Variants in SMARCC1 observed in about 807,000 individuals in gnomAD.
The protein encoded by SMARCC1 is SWI/SNF complex subunit SMARCC1.
SMARCC1 carries 43 observed loss-of-function variants against 147.4 expected under a neutral mutation model. The ratio of observed to expected loss-of-function variants is 0.29; its 90% CI spans 0.23 to 0.38. The LOEUF (loss-of-function observed/expected upper bound fraction) is 0.38, where lower values mean the gene tolerates loss of function less well. SMARCC1 is among the 10% of genes least tolerant of loss of function. The probability of loss-of-function intolerance (pLI) is 1.00; values close to 1 mark genes in which losing one functional copy is unlikely to be tolerated. For missense variants in SMARCC1, 1,119 were observed against 1,381.1 expected, an observed-to-expected ratio of 0.81 and a Z score of 3.01; for synonymous variants, 495 against 484.4, an observed-to-expected ratio of 1.02 and a Z score of -0.29.
At chr3:47,631,504 A>G (rs556424270) in intron 24 of SMARCC1, among the ~76,000 whole-genome samples, 7 of 152,210 alleles carry the variant, frequency 4.6e-5, no homozygotes, top group Non-Finnish European at 1.0e-4. Context: ...AAAGACCCAG[A>G]TAGAAAGGAT....
Position 47,605,514 on chromosome 3 carries a change from G to A in SMARCC1, c.3043+4552C>T, listed in dbSNP as rs529994408. 3.3e-5 allele frequency among the ~76,000 whole-genome samples: 5 copies of A among 152,296 alleles called. No individual in the cohort carries two copies. In the East Asian group the frequency reaches 9.6e-4, roughly 29 times the overall value. ...TGGCCGGGCATGGTGGCTCATGCTT[G>A]TAATCCTAACACTTTGGGAGGCGGA... On this transcript the variant is annotated intron_variant, in intron 26 of 27. Coordinates refer to ENST00000254480, the MANE Select transcript of SMARCC1 (RefSeq NM_003074.4).
intron 25 of SMARCC1, 28 bp downstream of exon 25, chr3:47,622,179 A>G (rs1265364802): frequency 6.3e-7 from 1 of 1,588,776 alleles, no homozygotes; most frequent in Admixed American, 1.9e-5. Context: ...AATTGTGAAA[A>G]AGCCACTAAA....
intron 21 of SMARCC1, among the ~76,000 whole-genome samples, chr3:47,646,353 T>A (rs576159131): frequency 5.3e-5 from 8 of 152,316 alleles, no homozygotes; most frequent in African/African-American, 1.7e-4. Flanking sequence ...ATGTATCTCA[T>A]GTCATTTTGT....
At chr3:47,642,383 A>G (rs2033059596) in intron 21 of SMARCC1, among the ~76,000 whole-genome samples, 1 of 152,288 alleles carries the variant, frequency 6.6e-6, no homozygotes, top group South Asian at 2.1e-4. Flanking sequence ...TGAGGTAAGG[A>G]GTTCGAGGCC....
chr3:47,672,989 C>G (rs551382935), intron 18 of SMARCC1, among the ~76,000 whole-genome samples: 2 of 151,808 alleles, frequency 1.3e-5, no homozygotes, highest in Non-Finnish European at 2.9e-5. Context: ...TTCACCATGC[C>G]CAGCCCGTTT....
At chr3:47,638,686 AG>A (rs769219628) in intron 22 of SMARCC1, 38 bp downstream of exon 22, 1 of 1,491,364 alleles carries the variant, frequency 6.7e-7, no homozygotes, top group Non-Finnish European at 9.4e-7. Context: ...ATGGTCTGAA[AG>A]GCATGCTATC....
chr3:47,675,428 G>C lies in SMARCC1; in HGVS notation c.1839+47C>G, dbSNP rs201742721. The C allele has an allele frequency of 3.8e-5, 33 of 879,960 alleles. No homozygotes were observed. In the East Asian group the frequency reaches 5.3e-4, roughly 14 times the overall value. 54.5% of individuals were successfully genotyped at this position (879,960 alleles called of 1,614,324 possible). A position where few individuals can be genotyped will look rare whatever the true frequency, so the allele number is the denominator to read the frequency against. On this transcript the variant is annotated intron_variant, in intron 18 of 27. Coordinates refer to ENST00000254480, the MANE Select transcript of SMARCC1 (RefSeq NM_003074.4). The stretch of plus-strand genomic sequence containing the variant: ...AAGCTCATTAGATGTATCTTAGAAG[G>C]ACTAAGATGTGCTGGATTGCAGCCC...
intron 7 of SMARCC1, among the ~76,000 whole-genome samples, chr3:47,717,354 C>T (rs923936780): frequency 2.6e-5 from 4 of 151,920 alleles, no homozygotes; most frequent in Non-Finnish European, 5.9e-5. Flanking sequence ...CTGTGGTAAA[C>T]GAAACATGAC....
chr3:47,702,221 C>CAAAAAA (rs2033927051), intron 10 of SMARCC1, among the ~76,000 whole-genome samples: 1 of 70,194 alleles, frequency 1.4e-5, no homozygotes, highest in Non-Finnish European at 3.0e-5. Context: ...TAATAAATGT[C>CAAAAAA]AGGGGGCTCA....
intron 21 of SMARCC1, among the ~76,000 whole-genome samples, chr3:47,640,312 G>A (rs1166837031): frequency 6.6e-6 from 1 of 151,904 alleles, no homozygotes; most frequent in Non-Finnish European, 1.5e-5. Context: ...ATTCCCAAAC[G>A]TTGGTTCTTT....
chr3:47,711,305 T>C (rs1021965329), intron 8 of SMARCC1, among the ~76,000 whole-genome samples: 1 of 152,198 alleles, frequency 6.6e-6, no homozygotes, highest in African/African-American at 2.4e-5. Flanking sequence ...GTCCTTTATA[T>C]GGCCACCTCC....
intron 19 of SMARCC1, 77 bp downstream of exon 19, chr3:47,670,581 C>A: frequency 1.0e-6 from 1 of 969,012 alleles, no homozygotes; most frequent in Non-Finnish European, 1.7e-6. Context: ...GAGACCCTGC[C>A]TCTAAATAAA....
chr3:47,729,747 A>C (rs1273486288), intron 5 of SMARCC1, among the ~76,000 whole-genome samples: 2 of 152,220 alleles, frequency 1.3e-5, no homozygotes, highest in Non-Finnish European at 2.9e-5. Context: ...ACTTCAAGTG[A>C]ATCAATGCCA....
chr3:47,759,175 C>T (rs2034741627), intron 2 of SMARCC1, among the ~76,000 whole-genome samples: 2 of 151,720 alleles, frequency 1.3e-5, no homozygotes. Context: ...AAACGCCTGG[C>T]TAATTTTGAT....
chr3:47,673,944 G>A (rs991712896), intron 18 of SMARCC1, among the ~76,000 whole-genome samples: 2 of 152,162 alleles, frequency 1.3e-5, no homozygotes, highest in African/African-American at 4.8e-5. Flanking sequence ...GAGCCACTGT[G>A]CCTGGCCAGA....
chr3:47,705,323 C>CAAA (rs754344034), intron 10 of SMARCC1, among the ~76,000 whole-genome samples: 44 of 103,670 alleles, frequency 4.2e-4, no homozygotes, highest in South Asian at 6.1e-4. Context: ...GACTCCGTCT[C>CAAA]AAAAAAAAAA....
chr3:47,662,643 T>A, intron 19 of SMARCC1, 51 bp from the exon 20 acceptor site: 1 of 1,510,648 alleles, frequency 6.6e-7, no homozygotes. Context: ...GAAAGTAATG[T>A]GTAATATTAG....
intron 2 of SMARCC1, among the ~76,000 whole-genome samples, chr3:47,771,246 T>C (rs978221404): frequency 3.9e-5 from 6 of 152,122 alleles, no homozygotes. Flanking sequence ...GAAAGATCAG[T>C]AAGTTGTTAA....
chr3:47,733,997 G>A (rs950438678), intron 5 of SMARCC1, among the ~76,000 whole-genome samples: 1 of 150,824 alleles, frequency 6.6e-6, no homozygotes, highest in African/African-American at 2.4e-5. Flanking sequence ...ACATATGTAT[G>A]TATATCTACA....
Sources: gnomAD v4.1 joint callset for allele counts (sites outside exome capture counted in the v4.1 genomes callset) on GRCh38, gnomAD v4.1.1 for gene constraint, MANE v1.5 for transcripts, NCBI Gene and HGNC (gene_info 2026-07-23, HGNC 2026-07-21) for gene names.